MPC2: variants seen among roughly 807,000 people sequenced by gnomAD.
MPC2 encodes the protein mitochondrial pyruvate carrier 2.
Under a neutral mutation model 19.2 loss-of-function variants are expected in MPC2, and 19 were observed. That is an observed-to-expected ratio of 0.99 (90% CI 0.69 to 1.45). MPC2 has a LOEUF of 1.45. Among genes scored for constraint, MPC2 ranks in the 40% most tolerant of loss-of-function variants. MPC2 has a pLI of 0.00. For missense variants in MPC2, 122 were observed against 153.0 expected, an observed-to-expected ratio of 0.80 and a Z score of 1.07; for synonymous variants, 61 against 54.3, an observed-to-expected ratio of 1.12 and a Z score of -0.54.
chr1:167,923,631 C>T (rs946787258), intron 3 of MPC2, among the ~76,000 whole-genome samples: 3 of 151,710 alleles, frequency 2.0e-5, no homozygotes, highest in African/African-American at 7.3e-5. Flanking sequence ...TGTAAATGTA[C>T]TTAACGCTAC....
intron 5 of MPC2, 135 bp from the exon 6 acceptor site, chr1:167,918,494 C>A (rs1571503457): frequency 6.0e-6 from 3 of 502,504 alleles, no homozygotes; most frequent in East Asian, 6.5e-5. Flanking sequence ...AGAATCTTCC[C>A]GGAGGGCTTA....
Position 167,935,884 on chromosome 1 carries a change from T to C in MPC2, c.-43A>G. Reference sequence around the variant, plus strand: ...TGGCAGCCGGGTGGGAGCGTGGCTGTGTTCTCGTCCCTGGCTGACAACGAA... The same window carrying C: ...TGGCAGCCGGGTGGGAGCGTGGCTGCGTTCTCGTCCCTGGCTGACAACGAA... On this transcript the variant is annotated 5_prime_UTR_variant, in exon 2 of 6. Transcript: ENST00000271373. The C allele has an allele frequency of 7.0e-7, 1 of 1,438,314 alleles. No individual in the cohort carries two copies. The highest frequency in any genetic ancestry group is 1.2e-5 in the South Asian group (1 of 81,678). 89.1% of individuals were successfully genotyped at this position (1,438,314 alleles called of 1,614,324 possible). A position where few individuals can be genotyped will look rare whatever the true frequency, so the allele number is the denominator to read the frequency against.
intron 2 of MPC2, among the ~76,000 whole-genome samples, chr1:167,935,297 C>G (rs1262058842): frequency 6.6e-6 from 1 of 152,220 alleles, no homozygotes; most frequent in African/African-American, 2.4e-5. Flanking sequence ...CCAGCAGCAG[C>G]TGAAGAAAGT....
chr1:167,920,745 T>C lies in MPC2; in HGVS notation c.151-114A>G. The C allele has an allele frequency of 1.0e-5, 10 of 999,380 alleles. No homozygotes were observed. The South Asian group carries it at 2.0e-4, about 20-fold the overall frequency. 61.9% of individuals were successfully genotyped at this position (999,380 alleles called of 1,614,324 possible). On this transcript the variant is annotated intron_variant, in intron 3 of 5. Coordinates refer to ENST00000271373, the MANE Select transcript of MPC2 (RefSeq NM_001143674.4). Reference sequence around the variant, plus strand: ...TTTCCGTAAGTTAGCAGCTATAATTTTAGTGTCCATTCATTAAGAAAATGT... The same window carrying C: ...TTTCCGTAAGTTAGCAGCTATAATTCTAGTGTCCATTCATTAAGAAAATGT...
chr1:167,928,053 T>C, intron 2 of MPC2, among the ~76,000 whole-genome samples: 1 of 150,950 alleles, frequency 6.6e-6, no homozygotes, highest in Non-Finnish European at 1.5e-5. Context: ...TCTTAACTGT[T>C]AAAAAAAAAG....
chr1:167,920,242 G>GT, intron 4 of MPC2, 152 bp from the exon 5 acceptor site: 1 of 601,598 alleles, frequency 1.7e-6, no homozygotes, highest in Middle Eastern at 4.5e-4. Context: ...CTGTAACTTA[G>GT]TGTCACAGAA....
chr1:167,920,453 T>C (rs1670572017), intron 4 of MPC2, 94 bp downstream of exon 4: 1 of 1,301,768 alleles, frequency 7.7e-7, no homozygotes, highest in African/African-American at 1.5e-5. Context: ...TGTGGGTGTA[T>C]TTCAAACACT....
intron 2 of MPC2, 60 bp downstream of exon 2, chr1:167,935,673 G>T: frequency 7.0e-7 from 1 of 1,433,340 alleles, no homozygotes; most frequent in Non-Finnish European, 9.6e-7. Context: ...CCTCTAAAAG[G>T]TCCATTTTAG....
rs549964224 is a variant in MPC2, at chr1:167,919,839, A to T, written c.347+140T>A. ...TACTTTAGATACTTCTTGTCTTAGC[A>T]TTATATATGAATCTTTTAAAAAAAT... On this transcript the variant is annotated intron_variant, in intron 5 of 5. Transcript: ENST00000271373. 1.1e-5 allele frequency: 6 copies of T among 535,666 alleles called. No individual in the cohort carries two copies. In the South Asian group the frequency reaches 1.8e-4, roughly 16 times the overall value. 33.2% of individuals were successfully genotyped at this position (535,666 alleles called of 1,614,324 possible).
chr1:167,936,015 C>A, intron 1 of MPC2, 117 bp from the exon 2 acceptor site: 1 of 613,418 alleles, frequency 1.6e-6, no homozygotes, highest in Non-Finnish European at 2.9e-6. Context: ...AGCTGCGGCC[C>A]GCGCCCCGCG....
At chr1:167,919,069 T>G (rs539072030) in intron 5 of MPC2, among the ~76,000 whole-genome samples, 16 of 152,358 alleles carry the variant, frequency 1.1e-4, no homozygotes, top group Admixed American at 9.1e-4. Flanking sequence ...GCAAAGCACC[T>G]TTCCTAAGAA....
chr1:167,920,636 A>G lies in MPC2; in HGVS notation c.151-5T>C. 1.2e-6 allele frequency: 2 copies of G among 1,609,698 alleles called. No individual in the cohort carries two copies. The highest frequency in any genetic ancestry group is 1.3e-5 in the African/African-American group (1 of 74,880). On this transcript the variant is annotated splice_region_variant and splice_polypyrimidine_tract_variant and intron_variant, in intron 3 of 5. Transcript: ENST00000271373. The stretch of plus-strand genomic sequence containing the variant: ...CAATCCAGCACACACCAACCCCTAC[A>G]CATTAACGCATAGAAAGAAAAAAAG...
intron 1 of MPC2, 159 bp from the exon 2 acceptor site, chr1:167,936,057 A>AGCCCCCGGTCCGCCTCCG (rs1671168090): frequency 1.7e-6 from 1 of 586,798 alleles, no homozygotes; most frequent in East Asian, 2.9e-5. Flanking sequence ...GCCGACTGCC[A>AGCCCCCGGTCCGCCTCCG]GCCCCCGGTC....
At chr1:167,928,038 T>C (rs1354465798) in intron 2 of MPC2, among the ~76,000 whole-genome samples, 1 of 152,018 alleles carries the variant, frequency 6.6e-6, no homozygotes, top group South Asian at 2.1e-4. Flanking sequence ...CTGCAAACAG[T>C]GTTTTCTTAA....
chr1:167,924,336 T>A, intron 3 of MPC2, 161 bp downstream of exon 3: 1 of 520,650 alleles, frequency 1.9e-6, no homozygotes, highest in South Asian at 3.8e-5. Context: ...GATAGTTGCT[T>A]TATGTAGAAA....
chr1:167,935,836 C>T lies in MPC2; in HGVS notation c.6G>A (p.Ser2=). The change falls in exon 2 of 6, where the codon TCG becomes TCA. Residue 2 remains serine (S), a synonymous_variant. Transcript: ENST00000271373. ...CCCGCAGGCCTCGGGCACCGGCGGC[C>T]GACATCGCCGCCGAGGGATCGTTGG... M[S]AAGARGLRAT... 1.3e-6 allele frequency: 2 copies of T among 1,550,554 alleles called. No homozygotes were observed. Among genetic ancestry groups the T allele is most frequent in the Non-Finnish European group, 1.7e-6 (2 of 1,147,422 alleles).
intron 2 of MPC2, among the ~76,000 whole-genome samples, chr1:167,925,442 C>CGTGTATAT (rs1553200802): frequency 6.3e-4 from 52 of 82,422 alleles, no homozygotes; most frequent in African/African-American, 2.5e-3. Flanking sequence ...TACATATACA[C>CGTGTATAT]ATATATATAT....
Position 167,917,597 on chromosome 1 carries a change from C to CAAAAAAA in MPC2, c.*719_*725dup. ...TGGGCCACAGAGCGAGACCCTGTCTCAAAAAAAAAAAAAAAAAAAAAGTCA... is the reference window on the plus strand; with the variant it reads ...TGGGCCACAGAGCGAGACCCTGTCTCAAAAAAAAAAAAAAAAAAAAAAAAAAAAGTCA... On this transcript the variant is annotated 3_prime_UTR_variant, in exon 6 of 6. Coordinates refer to ENST00000271373, the MANE Select transcript of MPC2 (RefSeq NM_001143674.4). 1 of 79,834 alleles carries CAAAAAAA rather than the reference C, an allele frequency of 1.3e-5. No individual in the cohort carries two copies. Among genetic ancestry groups the CAAAAAAA allele is most frequent in the Non-Finnish European group, 2.4e-5 (1 of 40,926 alleles). 4.9% of individuals were successfully genotyped at this position (79,834 alleles called of 1,614,324 possible). A position where few individuals can be genotyped will look rare whatever the true frequency, so the allele number is the denominator to read the frequency against.
intron 2 of MPC2, 25 bp from the exon 3 acceptor site, chr1:167,924,562 T>C (rs1670686196): frequency 1.3e-6 from 2 of 1,485,046 alleles, no homozygotes; most frequent in Admixed American, 2.6e-5. Flanking sequence ...AAAAGAAAAA[T>C]TCAGGAATAA....
Sources: allele counts gnomAD v4.1 joint callset (sites outside exome capture counted in the v4.1 genomes callset), GRCh38; gene constraint gnomAD v4.1.1; transcripts MANE v1.5; gene names NCBI Gene and HGNC (gene_info 2026-07-23, HGNC 2026-07-21).